RTL4: variants seen among roughly 807,000 people sequenced by gnomAD.
RTL4 encodes retrotransposon Gag-like protein 4.
In RTL4, 4 loss-of-function variants were observed where a neutral mutation model predicts 5.3. The observed-to-expected ratio is 0.75, with a 90% CI of 0.37 to 1.72. The LOEUF is 1.72. RTL4 is among the 40% of genes most tolerant of loss of function. The probability of loss-of-function intolerance (pLI) is 0.04; values close to 1 mark genes in which losing one functional copy is unlikely to be tolerated. For synonymous variants in RTL4, 98 were observed against 87.3 expected (o/e 1.12, Z -0.68); for missense variants, 260 against 227.1 (o/e 1.14, Z -0.93).
chrX:112,306,742 A>G, the RTL4 span, among the ~76,000 whole-genome samples: 1 of 111,709 alleles, frequency 9.0e-6, no homozygotes, highest in East Asian at 2.8e-4. Context: ...GAAGCAGTGC[A>G]TGCAGATTCC....
the RTL4 span, among the ~76,000 whole-genome samples, chrX:112,090,506 G>T: frequency 2.7e-5 from 3 of 110,870 alleles, no homozygotes; most frequent in African/African-American, 9.8e-5. Flanking sequence ...TGTTCATATG[G>T]TTTTTTCCTT....
At chrX:112,089,016 T>A in the RTL4 span, among the ~76,000 whole-genome samples, 2 of 111,790 alleles carry the variant, frequency 1.8e-5, no homozygotes, top group Non-Finnish European at 3.8e-5. Context: ...ATTCTCTAGG[T>A]TGTCTTTTTA....
At chrX:112,417,265 C>T in the RTL4 span, among the ~76,000 whole-genome samples, 1 of 111,474 alleles carries the variant, frequency 9.0e-6, no homozygotes, top group Admixed American at 9.5e-5. Flanking sequence ...TTGTTGTGCC[C>T]GTCAAGAAGC....
chrX:112,425,078 G>A, the RTL4 span, among the ~76,000 whole-genome samples: 2 of 111,212 alleles, frequency 1.8e-5, no homozygotes, highest in Non-Finnish European at 3.8e-5. Flanking sequence ...TCTGTGCGCT[G>A]CCTATTCATC....
chrX:112,253,042 T>G, the RTL4 span, among the ~76,000 whole-genome samples: 1 of 111,239 alleles, frequency 9.0e-6, no homozygotes, highest in East Asian at 2.8e-4. Context: ...TGCTATAGAG[T>G]AATAGATATG....
the RTL4 span, among the ~76,000 whole-genome samples, chrX:112,246,677 G>A: frequency 2.7e-5 from 3 of 111,414 alleles, no homozygotes; most frequent in African/African-American, 9.8e-5. Flanking sequence ...GCACTTCCCG[G>A]GTGAGGCGAT....
At chrX:112,201,973 T>TTG in the RTL4 span, among the ~76,000 whole-genome samples, 6,484 of 103,352 alleles carry the variant, frequency 0.063, 483 homozygotes, top group African/African-American at 0.2. Flanking sequence ...TTGTGTGTGT[T>TTG]TGTGTGTGTG....
chrX:112,199,354 T>C, the RTL4 span, among the ~76,000 whole-genome samples: 14 of 105,290 alleles, frequency 1.3e-4, no homozygotes, highest in African/African-American at 4.6e-4. Flanking sequence ...GAAAGAAAGA[T>C]GTGTTGGAGG....
chrX:112,308,209 T>C, the RTL4 span, among the ~76,000 whole-genome samples: 33 of 111,288 alleles, frequency 3.0e-4, no homozygotes, highest in African/African-American at 1.0e-3. Context: ...TCGAATCTAC[T>C]ACCTAGCTGG....
chrX:112,442,279 T>C, the RTL4 span, among the ~76,000 whole-genome samples: 1 of 108,706 alleles, frequency 9.2e-6, no homozygotes, highest in Non-Finnish European at 1.9e-5. Context: ...CTTGCTCTGT[T>C]GTCTAGGATG....
At chrX:112,244,860 T>C in the RTL4 span, among the ~76,000 whole-genome samples, 5 of 111,939 alleles carry the variant, frequency 4.5e-5, no homozygotes, top group Admixed American at 2.8e-4. Flanking sequence ...GTTTAGTGCT[T>C]CCTTCAGGAG....
the RTL4 span, among the ~76,000 whole-genome samples, chrX:112,411,064 G>A: frequency 9.0e-6 from 1 of 111,323 alleles, no homozygotes; most frequent in African/African-American, 3.3e-5. Flanking sequence ...GAAATGCAAA[G>A]GATCATTGGA....
chrX:112,231,195 A>C, the RTL4 span, among the ~76,000 whole-genome samples: 15 of 111,181 alleles, frequency 1.3e-4, no homozygotes, highest in East Asian at 3.1e-3. Context: ...AACTAGAAAT[A>C]CCATTTGACC....
chrX:112,115,492 AAG>A, the RTL4 span, among the ~76,000 whole-genome samples: 4 of 111,581 alleles, frequency 3.6e-5, no homozygotes, highest in African/African-American at 1.3e-4. Context: ...CCAGGGTTGG[AAG>A]AGTGACACCT....
the RTL4 span, among the ~76,000 whole-genome samples, chrX:112,274,651 C>T: frequency 6.5e-4 from 72 of 111,582 alleles, no homozygotes; most frequent in African/African-American, 2.3e-3. Flanking sequence ...AAGTAGAGCT[C>T]AGAAGGCAGG....
At chrX:112,335,032 T>G in the RTL4 span, among the ~76,000 whole-genome samples, 1 of 111,968 alleles carries the variant, frequency 8.9e-6, no homozygotes, top group Non-Finnish European at 1.9e-5. Context: ...AAACCTCCAT[T>G]AATTTCTATG....
chrX:112,273,256 ATTT>A, the RTL4 span, among the ~76,000 whole-genome samples: 4,531 of 99,899 alleles, frequency 0.045, 257 homozygotes, highest in African/African-American at 0.16. Context: ...AGAGTTGATG[ATTT>A]TTTTTTTTTT....
chrX:112,312,734 C>T, the RTL4 span, among the ~76,000 whole-genome samples: 1 of 110,844 alleles, frequency 9.0e-6, no homozygotes, highest in Non-Finnish European at 1.9e-5. Flanking sequence ...AAGAGTTCTC[C>T]AAAATCTCAT....
At chrX:112,121,092 C>T in the RTL4 span, among the ~76,000 whole-genome samples, 1 of 111,837 alleles carries the variant, frequency 8.9e-6, no homozygotes, top group Non-Finnish European at 1.9e-5. Flanking sequence ...GCCCATGACA[C>T]AGGTTTACCT....
Sources: gnomAD v4.1 joint callset for allele counts (sites outside exome capture counted in the v4.1 genomes callset) on GRCh38, gnomAD v4.1.1 for gene constraint, MANE v1.5 for transcripts, NCBI Gene and HGNC (gene_info 2026-07-23, HGNC 2026-07-21) for gene names.